MOCOS: variants seen among roughly 807,000 people sequenced by gnomAD.
MOCOS encodes molybdenum cofactor sulfurase, also known as human molybdenum cofactor sulfurase.
Under a neutral mutation model 83.6 loss-of-function variants are expected in MOCOS, and 86 were observed. The observed-to-expected ratio is 1.03, with a 90% CI of 0.86 to 1.23. The LOEUF is 1.23. MOCOS is among the 50% of genes most tolerant of loss of function. The pLI, the probability that MOCOS is intolerant of heterozygous loss-of-function variation, is 0.00. For missense variants in MOCOS, 1,120 were observed against 1,126.9 expected (o/e 0.99, Z 0.09); for synonymous variants, 445 against 434.7 (o/e 1.02, Z -0.29).
chr18:36,206,641 C>T (rs2091436047), intron 6 of MOCOS, among the ~76,000 whole-genome samples: 1 of 152,182 alleles, frequency 6.6e-6, no homozygotes, highest in Admixed American at 6.5e-5. Context: ...CTCCCCCCAC[C>T]TTCTACCCTC....
Position 36,187,672 on chromosome 18 carries a change from C to T in MOCOS, c.133C>T (p.Arg45Cys), listed in dbSNP as rs759622598. Reference protein sequence around the residue: ...LRELRAREFSRLAGTVYLDHA... With the variant: ...LRELRAREFSCLAGTVYLDHA... ...CGAGCTGCGGGCGCGCGAGTTCAGC[C>T]GCCTGGCAGGTGAGGCGGGCGGGCA... Residue 45 changes from arginine to cysteine, a missense_variant, in exon 1 of 15, where the codon CGC becomes TGC. Transcript: ENST00000261326. 21 of 1,262,966 alleles carry T rather than the reference C, an allele frequency of 1.7e-5. No homozygotes were observed. The highest frequency in any genetic ancestry group is 2.1e-5 in the Non-Finnish European group (21 of 1,004,348). The allele number at this position is 1,262,966 out of a possible 1,614,324, so 78.2% of individuals were successfully genotyped here.
intron 9 of MOCOS, among the ~76,000 whole-genome samples, chr18:36,226,318 A>G (rs749413389): frequency 1.6e-4 from 25 of 152,030 alleles, no homozygotes; most frequent in Non-Finnish European, 3.2e-4. Context: ...GTCCATTTTA[A>G]TGGACATAAT....
intron 9 of MOCOS, among the ~76,000 whole-genome samples, chr18:36,224,756 A>G (rs1598881817): frequency 1.3e-5 from 2 of 152,194 alleles, no homozygotes; most frequent in East Asian, 1.9e-4. Flanking sequence ...TTTAGTATCA[A>G]GATAATGCTG....
At chr18:36,240,832 G>C (rs191093647) in intron 9 of MOCOS, among the ~76,000 whole-genome samples, 2 of 152,182 alleles carry the variant, frequency 1.3e-5, no homozygotes, top group Non-Finnish European at 1.5e-5. Context: ...ATATAATCTC[G>C]TGGTGCGCCG....
intron 9 of MOCOS, among the ~76,000 whole-genome samples, chr18:36,233,752 C>T (rs542569): frequency 0.45 from 67,909 of 152,002 alleles, 15,570 homozygotes; most frequent in African/African-American, 0.53. Flanking sequence ...GGTGGTATTA[C>T]ATTGTGGTTT....
intron 9 of MOCOS, among the ~76,000 whole-genome samples, chr18:36,229,556 A>G (rs76856879): frequency 0.023 from 3,491 of 152,164 alleles, 133 homozygotes; most frequent in African/African-American, 0.079. Context: ...GGATTTGGGA[A>G]GTTTTCAGCC....
At chr18:36,230,486 G>A (rs1344735361) in intron 9 of MOCOS, among the ~76,000 whole-genome samples, 1 of 152,110 alleles carries the variant, frequency 6.6e-6, no homozygotes, top group Non-Finnish European at 1.5e-5. Context: ...GATTCAGGGG[G>A]TCACTACCAA....
intron 9 of MOCOS, among the ~76,000 whole-genome samples, chr18:36,231,438 A>G (rs2091537331): frequency 6.6e-6 from 1 of 152,198 alleles, no homozygotes; most frequent in Non-Finnish European, 1.5e-5. Context: ...AATTATTGTT[A>G]TTTTGAACTG....
intron 9 of MOCOS, among the ~76,000 whole-genome samples, chr18:36,232,855 T>TACACACACACACACACACACAC (rs71168208): frequency 1.4e-5 from 2 of 147,830 alleles, no homozygotes; most frequent in Non-Finnish European, 3.0e-5. Flanking sequence ...AATATTCCAT[T>TACACACACACACACACACACAC]ACACACACAC....
chr18:36,219,233 G>A (rs1035901035), intron 8 of MOCOS, among the ~76,000 whole-genome samples: 2 of 150,168 alleles, frequency 1.3e-5, no homozygotes, highest in Admixed American at 6.6e-5. Flanking sequence ...TGTCGCCCAG[G>A]CTGGAGTGCA....
rs1172547193 is a variant in MOCOS, at chr18:36,220,102, C to G, written c.1845C>G (p.Ser615Arg). The change falls in exon 9 of 15, where the codon AGC (serine) becomes AGG (arginine). Residue 615 changes from serine (S) to arginine (R), a missense_variant. Physicochemically the swap from Ser to Arg is moderately radical, Grantham distance 110. Coordinates refer to ENST00000261326, the MANE Select transcript of MOCOS (RefSeq NM_017947.4). ...ACCAAGGGCTGCTATATGACCGGAG[C>G]TGGATGGTTGTGAATCACAATGGTG... is the stretch of plus-strand genomic sequence containing the variant. ...VGNQGLLYDR[S>R]WMVVNHNGVC... 2.5e-6 allele frequency: 4 copies of G among 1,613,858 alleles called. No individual in the cohort carries two copies. The South Asian group carries it at 4.4e-5, about 18-fold the overall frequency.
intron 9 of MOCOS, among the ~76,000 whole-genome samples, chr18:36,241,415 G>A (rs2091582302): frequency 6.6e-6 from 1 of 152,174 alleles, no homozygotes; most frequent in Non-Finnish European, 1.5e-5. Flanking sequence ...AAATCTTAAA[G>A]GTTCAAAATG....
At chr18:36,253,414 T>C (rs571301861) in intron 11 of MOCOS, among the ~76,000 whole-genome samples, 3 of 152,122 alleles carry the variant, frequency 2.0e-5, no homozygotes, top group Non-Finnish European at 4.4e-5. Flanking sequence ...ACGCCTGTAG[T>C]CCCAGGACTT....
At chr18:36,232,961 C>T (rs995262279) in intron 9 of MOCOS, among the ~76,000 whole-genome samples, 2 of 151,710 alleles carry the variant, frequency 1.3e-5, no homozygotes, top group Non-Finnish European at 2.9e-5. Context: ...GTGAATAGTG[C>T]TGCAATAAAA....
At chr18:36,209,179 T>C (rs960576672) in intron 6 of MOCOS, among the ~76,000 whole-genome samples, 2 of 151,888 alleles carry the variant, frequency 1.3e-5, no homozygotes, top group African/African-American at 4.8e-5. Context: ...TCTTCTTCTT[T>C]TTTTTTTTTC....
chr18:36,214,406 CCCTCCTGAGGTACGG>C (rs1598877606), intron 7 of MOCOS, among the ~76,000 whole-genome samples: 2 of 152,218 alleles, frequency 1.3e-5, no homozygotes, highest in East Asian at 3.9e-4. Flanking sequence ...CCTGGTTCAG[CCCTCCTGAGGTACGG>C]CCTCCAAGCT....
chr18:36,194,785 CAGAG>C (rs1369866537), intron 1 of MOCOS, among the ~76,000 whole-genome samples: 2 of 152,158 alleles, frequency 1.3e-5, no homozygotes, highest in African/African-American at 2.4e-5. Context: ...GCATTTCTCT[CAGAG>C]AGAGGTTGGA....
chr18:36,218,630 T>G (rs1239960141), intron 8 of MOCOS, among the ~76,000 whole-genome samples: 1 of 152,094 alleles, frequency 6.6e-6, no homozygotes, highest in Non-Finnish European at 1.5e-5. Context: ...TCCTCCCGCC[T>G]CTGCCTCTTG....
intron 4 of MOCOS, among the ~76,000 whole-genome samples, chr18:36,201,462 G>A (rs2091414393): frequency 6.6e-6 from 1 of 152,002 alleles, no homozygotes; most frequent in Non-Finnish European, 1.5e-5. Context: ...AGGAGTTCGA[G>A]ACCAGCCTGC....
Sources: gnomAD v4.1 joint callset for allele counts (sites outside exome capture counted in the v4.1 genomes callset) on GRCh38, gnomAD v4.1.1 for gene constraint, MANE v1.5 for transcripts, NCBI Gene and HGNC (gene_info 2026-07-23, HGNC 2026-07-21) for gene names.